MYO18B: variants seen among roughly 807,000 people sequenced by gnomAD.
MYO18B encodes myosin XVIIIB, also known as unconventional myosin-XVIIIb.
MYO18B carries 204 observed loss-of-function variants against 273.0 expected under a neutral mutation model. The observed-to-expected ratio is 0.75, with a 90% CI of 0.67 to 0.84. The LOEUF (loss-of-function observed/expected upper bound fraction) is 0.84. MYO18B is among the 40% of genes least tolerant of loss of function. The probability of loss-of-function intolerance (pLI) is 0.00; values close to 1 mark genes in which losing one functional copy is unlikely to be tolerated. For synonymous variants in MYO18B, 1,330 were observed against 1,305.7 expected (o/e 1.02, Z -0.40); for missense variants, 3,212 against 3,287.6 (o/e 0.98, Z 0.56).
At chr22:26,032,224 T>C (rs1290576315), downstream of MYO18B, among the ~76,000 whole-genome samples, 1 of 152,200 alleles carries the variant, frequency 6.6e-6, no homozygotes, top group East Asian at 1.9e-4. Flanking sequence ...CTGTATTAGT[T>C]TGCTAGAGAT....
chr22:25,768,210 T>C lies in MYO18B; in HGVS notation c.294T>C (p.Ser98=), dbSNP rs1158684915. The C allele has an allele frequency of 6.2e-7, 1 of 1,613,978 alleles. No homozygotes were observed. Among genetic ancestry groups the C allele is most frequent in the Non-Finnish European group, 8.5e-7 (1 of 1,179,878 alleles). ...TCTCTCAGGACGACCAGTCAAGCTC[T>C]CCTGGGAGCTCAGACATTCTGGGCA... is the stretch of plus-strand genomic sequence containing the variant. ...QQISQDDQSS[S]PGSSDILGKE... The change falls in exon 4 of 44, where the codon TCT becomes TCC. Residue 98 remains serine, a synonymous_variant. Transcript: ENST00000335473.
intron 40 of MYO18B, among the ~76,000 whole-genome samples, chr22:26,002,811 C>T (rs1177787147): frequency 1.3e-5 from 2 of 152,134 alleles, no homozygotes; most frequent in Non-Finnish European, 2.9e-5. Flanking sequence ...TAAAGAACAG[C>T]TACCATCGTA....
rs1222436448 is a variant in MYO18B at position 25,770,978 on chromosome 22, C to T, written c.1686C>T (p.Val562=). 1 of 1,551,244 alleles carries T rather than the reference C, an allele frequency of 6.4e-7. No individual in the cohort carries two copies. Residue 562 remains valine, a synonymous_variant, in exon 6 of 44, where the codon GTC becomes GTT. Coordinates refer to ENST00000335473, the MANE Select transcript of MYO18B (RefSeq NM_032608.7). ...TCACTGAGGTGGATGAGGAGCATGT[C>T]CATCGGGTGAGTCCCCTGTCCCGCC... The part of the protein sequence containing the change: ...KTITEVDEEH[V]HRANPPELDQ...
chr22:26,058,445 G>T, the MYO18B span, among the ~76,000 whole-genome samples: 2 of 152,052 alleles, frequency 1.3e-5, no homozygotes, highest in Non-Finnish European at 2.9e-5. Context: ...TGACAAGGAG[G>T]GACACTAAAA....
intron 1 of MYO18B, among the ~76,000 whole-genome samples, chr22:25,760,308 G>A (rs1023403876): frequency 6.6e-6 from 1 of 151,052 alleles, no homozygotes; most frequent in East Asian, 2.0e-4. Context: ...CCAGCTACTC[G>A]GGTGGCTGAG....
At chr22:25,931,016 A>G (rs775166701) in intron 34 of MYO18B, among the ~76,000 whole-genome samples, 2 of 152,322 alleles carry the variant, frequency 1.3e-5, no homozygotes, top group Non-Finnish European at 1.5e-5. Context: ...GGAAATAGTT[A>G]GTAAGCACTG....
At chr22:25,897,544 T>G (rs2091836028) in intron 28 of MYO18B, 1 of 152,226 alleles carries the variant, frequency 6.6e-6, no homozygotes, top group African/African-American at 2.4e-5. Flanking sequence ...GGGGGATATT[T>G]ATGCTACATT....
the MYO18B span, among the ~76,000 whole-genome samples, chr22:26,061,400 T>G: frequency 6.6e-6 from 1 of 152,190 alleles, no homozygotes; most frequent in Non-Finnish European, 1.5e-5. Flanking sequence ...GTTTTCCACC[T>G]TGATGGGGCT....
intron 36 of MYO18B, among the ~76,000 whole-genome samples, chr22:25,949,314 G>A (rs1408377943): frequency 6.6e-6 from 1 of 152,190 alleles, no homozygotes; most frequent in African/African-American, 2.4e-5. Flanking sequence ...TTGTCCAGGG[G>A]AAAGACAACT....
chr22:25,921,702 T>TG (rs2092344834), intron 34 of MYO18B, among the ~76,000 whole-genome samples: 2,317 of 145,704 alleles, frequency 0.016, 63 homozygotes, highest in African/African-American at 0.057. Flanking sequence ...AGTGTGCCTG[T>TG]TGTGTGTGTG....
chr22:25,959,537 A>C (rs1295384152), intron 39 of MYO18B, among the ~76,000 whole-genome samples: 1 of 152,030 alleles, frequency 6.6e-6, no homozygotes, highest in African/African-American at 2.4e-5. Flanking sequence ...CAGCCTCCCA[A>C]AGTGCTAGGA....
intron 33 of MYO18B, among the ~76,000 whole-genome samples, chr22:25,920,804 T>C (rs1346849925): frequency 6.6e-6 from 1 of 152,156 alleles, no homozygotes; most frequent in Non-Finnish European, 1.5e-5. Context: ...GTCCAGAGGC[T>C]CTGTCCAGTC....
At chr22:25,868,287 T>G in intron 21 of MYO18B, 33 bp from the exon 22 acceptor site, 1 of 1,565,084 alleles carries the variant, frequency 6.4e-7, no homozygotes, top group Non-Finnish European at 8.7e-7. Flanking sequence ...CTACCTTCTA[T>G]GCTGTCTAAC....
At chr22:25,861,320 G>A (rs560385785) in intron 21 of MYO18B, among the ~76,000 whole-genome samples, 7 of 152,250 alleles carry the variant, frequency 4.6e-5, no homozygotes, top group East Asian at 1.9e-4. Flanking sequence ...GGGCTCTGTG[G>A]TTAGGTACAG....
At chr22:25,977,713 G>A (rs555336778) in intron 39 of MYO18B, among the ~76,000 whole-genome samples, 19 of 152,284 alleles carry the variant, frequency 1.2e-4, no homozygotes, top group African/African-American at 4.3e-4. Flanking sequence ...TATTGCACAA[G>A]CTGTCACTCA....
At chr22:25,948,065 A>C (rs971819329) in intron 36 of MYO18B, among the ~76,000 whole-genome samples, 1 of 152,128 alleles carries the variant, frequency 6.6e-6, no homozygotes, top group African/African-American at 2.4e-5. Flanking sequence ...GGACTTATTC[A>C]TGCATCTGTC....
intron 21 of MYO18B, among the ~76,000 whole-genome samples, chr22:25,865,856 G>GT (rs879793160): frequency 1.7e-4 from 26 of 149,710 alleles, no homozygotes; most frequent in East Asian, 5.9e-4. Flanking sequence ...ATTTTTTATT[G>GT]TTTTTTTTTC....
intron 6 of MYO18B, among the ~76,000 whole-genome samples, chr22:25,771,348 A>G (rs2086713241): frequency 6.6e-6 from 1 of 152,248 alleles, no homozygotes; most frequent in South Asian, 2.1e-4. Context: ...TTCTGTTTTC[A>G]CTCTGGCCGC....
chr22:26,056,019 A>G, the MYO18B span, among the ~76,000 whole-genome samples: 4 of 152,194 alleles, frequency 2.6e-5, no homozygotes, highest in Admixed American at 6.5e-5. Context: ...TAAAAAAAAA[A>G]GTGCCTATGT....
Sources: allele counts gnomAD v4.1 joint callset (sites outside exome capture counted in the v4.1 genomes callset), GRCh38; gene constraint gnomAD v4.1.1; transcripts MANE v1.5; gene names NCBI Gene and HGNC (gene_info 2026-07-23, HGNC 2026-07-21).